The following ZBBX variants were observed in gnomAD, a reference collection of about 807,000 sequenced individuals.
ZBBX encodes zinc finger B-box domain containing, also known as zinc finger B-box domain-containing protein 1.
Under a neutral mutation model 108.5 loss-of-function variants are expected in ZBBX, and 101 were observed. The observed-to-expected ratio is 0.93, with a 90% CI of 0.79 to 1.10. The LOEUF is 1.10. Ranked by LOEUF, ZBBX falls within the 50% of genes least tolerant of loss-of-function variation. The pLI, the probability that ZBBX is intolerant of heterozygous loss-of-function variation, is 0.00. For synonymous variants in ZBBX, 356 were observed against 323.4 expected (o/e 1.10, Z -1.08); for missense variants, 1,009 against 941.4 (o/e 1.07, Z -0.94).
At chr3:167,290,077 C>T (rs1730415969) in intron 18 of ZBBX, among the ~76,000 whole-genome samples, 3 of 152,194 alleles carry the variant, frequency 2.0e-5, no homozygotes, top group African/African-American at 7.2e-5. Context: ...CAGCCACAGA[C>T]TTATAGATAA....
At chr3:167,260,491 A>G (rs1416866369) in intron 20 of ZBBX, among the ~76,000 whole-genome samples, 2 of 152,320 alleles carry the variant, frequency 1.3e-5, no homozygotes, top group East Asian at 3.9e-4. Flanking sequence ...GTTGTTTAAC[A>G]TAATCTCAGA....
chr3:167,221,169 TC>T, the ZBBX span, among the ~76,000 whole-genome samples: 5 of 151,900 alleles, frequency 3.3e-5, no homozygotes, highest in Non-Finnish European at 7.4e-5. Flanking sequence ...ATAATTCTTA[TC>T]AAAATACCAA....
upstream of ZBBX, among the ~76,000 whole-genome samples, chr3:167,380,769 A>T (rs1747651357): frequency 6.6e-6 from 1 of 152,082 alleles, no homozygotes; most frequent in Non-Finnish European, 1.5e-5. Context: ...TAGAGATTCC[A>T]GGTCTCTTCA....
chr3:167,380,936 C>CTTTT (rs1747672111), upstream of ZBBX, among the ~76,000 whole-genome samples: 2 of 150,360 alleles, frequency 1.3e-5, no homozygotes, highest in African/African-American at 4.9e-5. Context: ...CTCAACTCTT[C>CTTTT]CGAACAAAGC....
At chr3:167,186,002 T>G in the ZBBX span, among the ~76,000 whole-genome samples, 21 of 152,212 alleles carry the variant, frequency 1.4e-4, no homozygotes, top group African/African-American at 5.1e-4. Flanking sequence ...TATGCAGCAT[T>G]ATAGCAAAGG....
the ZBBX span, among the ~76,000 whole-genome samples, chr3:167,193,604 G>A: frequency 6.6e-6 from 1 of 152,092 alleles, no homozygotes; most frequent in Non-Finnish European, 1.5e-5. Flanking sequence ...GAGTAATATA[G>A]TCAGCTTGCT....
chr3:167,252,620 A>G (rs1722811411), intron 20 of ZBBX, among the ~76,000 whole-genome samples: 1 of 151,830 alleles, frequency 6.6e-6, no homozygotes, highest in South Asian at 2.1e-4. Context: ...GTCTGCGTTA[A>G]GTGTGAAAGT....
chr3:167,278,570 T>C, intron 20 of ZBBX, among the ~76,000 whole-genome samples: 1 of 149,000 alleles, frequency 6.7e-6, no homozygotes, highest in Non-Finnish European at 1.5e-5. Flanking sequence ...AATCTCTGAA[T>C]AGACCAATAA....
At chr3:167,272,679 T>A (rs927454904) in intron 20 of ZBBX, among the ~76,000 whole-genome samples, 1 of 152,162 alleles carries the variant, frequency 6.6e-6, no homozygotes. Flanking sequence ...TTGACGCTTG[T>A]CTAGTCATAC....
At chr3:167,284,051 C>T (rs1011444534) in intron 19 of ZBBX, among the ~76,000 whole-genome samples, 1 of 151,908 alleles carries the variant, frequency 6.6e-6, no homozygotes, top group Non-Finnish European at 1.5e-5. Context: ...GTGAAAATTT[C>T]AGAAATCAAT....
upstream of ZBBX, among the ~76,000 whole-genome samples, chr3:167,381,057 T>G (rs1056117276): frequency 2.6e-5 from 4 of 152,162 alleles, no homozygotes; most frequent in Admixed American, 6.5e-5. Context: ...TAGGCTTCTA[T>G]GCTTAACCAC....
Position 167,256,329 on chromosome 3 carries a change from G to A in ZBBX, c.2255-13686C>T, listed in dbSNP as rs368657097. On this transcript the variant is annotated intron_variant, in intron 20 of 21. Transcript: ENST00000675490. The stretch of plus-strand genomic sequence containing the variant: ...TTTTTTACTTTTTAAATTGTTGTGG[G>A]CACATAGTAGGTGTATATATTTATG... 2.5e-4 allele frequency among the ~76,000 whole-genome samples: 38 copies of A among 152,064 alleles called. No individual in the cohort carries two copies. The East Asian group carries it at 4.8e-3, about 19-fold the overall frequency.
chr3:167,400,638 G>C (rs1484611321), intron 1 of ZBBX, among the ~76,000 whole-genome samples: 1 of 152,008 alleles, frequency 6.6e-6, no homozygotes, highest in Admixed American at 6.6e-5. Context: ...AATTTAGAAA[G>C]TTTATTTTGC....
intron 1 of ZBBX, among the ~76,000 whole-genome samples, chr3:167,387,765 A>G (rs1295541208): frequency 1.3e-5 from 2 of 151,984 alleles, no homozygotes; most frequent in East Asian, 1.9e-4. Flanking sequence ...AGCTGAAGGG[A>G]AGTGAAAGGA....
chr3:167,381,567 C>G (rs1380134318), upstream of ZBBX, among the ~76,000 whole-genome samples: 1 of 152,154 alleles, frequency 6.6e-6, no homozygotes, highest in Non-Finnish European at 1.5e-5. Flanking sequence ...CTTCCTTTAA[C>G]TTTAATACAA....
intron 20 of ZBBX, among the ~76,000 whole-genome samples, chr3:167,267,876 T>C (rs1257862150): frequency 1.3e-5 from 2 of 150,126 alleles, no homozygotes; most frequent in African/African-American, 4.9e-5. Flanking sequence ...CCCCCACTCA[T>C]TGCCCCCAAT....
At chr3:167,328,974 T>C (rs1475308501) in intron 10 of ZBBX, among the ~76,000 whole-genome samples, 4 of 152,210 alleles carry the variant, frequency 2.6e-5, no homozygotes, top group Non-Finnish European at 5.9e-5. Flanking sequence ...TAGTATATAA[T>C]GAAGTTGTGG....
chr3:167,348,124 G>T (rs4955563), intron 9 of ZBBX, among the ~76,000 whole-genome samples: 52,206 of 150,278 alleles, frequency 0.35, 9,494 homozygotes, highest in East Asian at 0.65. Flanking sequence ...AGAATGTGAT[G>T]CTGGCAGTAT....
chr3:167,290,857 A>C (rs2108567538), intron 18 of ZBBX, among the ~76,000 whole-genome samples: 1 of 152,332 alleles, frequency 6.6e-6, no homozygotes, highest in Non-Finnish European at 1.5e-5. Context: ...TTAGAGAAGA[A>C]CATAAATGAC....
Sources: allele counts gnomAD v4.1 joint callset (sites outside exome capture counted in the v4.1 genomes callset), GRCh38; gene constraint gnomAD v4.1.1; transcripts MANE v1.5; gene names NCBI Gene and HGNC (gene_info 2026-07-23, HGNC 2026-07-21).